Variants in GYPB observed in about 807,000 individuals in gnomAD.
The protein encoded by GYPB is glycophorin-B.
GYPB carries 13 observed loss-of-function variants against 15.3 expected under a neutral mutation model. The observed-to-expected ratio is 0.85, with a 90% CI of 0.55 to 1.35. GYPB has a LOEUF of 1.35. Among genes scored for constraint, GYPB ranks in the 40% most tolerant of loss-of-function variants. GYPB has a pLI of 0.00. For synonymous variants in GYPB, 38 were observed against 36.9 expected (o/e 1.03, Z -0.11); for missense variants, 131 against 108.3 (o/e 1.21, Z -0.93).
intron 4 of GYPB, among the ~76,000 whole-genome samples, chr4:143,996,931 T>C (rs1727348626): frequency 6.6e-6 from 1 of 151,064 alleles, no homozygotes; most frequent in East Asian, 1.9e-4. Context: ...TATTGAGACA[T>C]GGTCTCACTC....
intron 4 of GYPB, among the ~76,000 whole-genome samples, chr4:143,997,121 G>T: frequency 6.6e-6 from 1 of 150,798 alleles, no homozygotes; most frequent in South Asian, 2.1e-4. Context: ...TGCTCAGGCT[G>T]GTCTCAAACT....
chr4:144,014,763 C>G (rs1728402525), intron 1 of GYPB, among the ~76,000 whole-genome samples: 1 of 151,406 alleles, frequency 6.6e-6, no homozygotes, highest in African/African-American at 2.5e-5. Context: ...TAAAATGGTT[C>G]AAATGGTAAA....
At position 144,001,199 on chromosome 4, in the gene GYPB, G is replaced by A. The variant is rs1182159500; in HGVS notation, c.122C>T (p.Ser41Leu). 2 of 1,612,876 alleles carry A rather than the reference G, an allele frequency of 1.2e-6. No homozygotes were observed. The highest frequency in any genetic ancestry group is 1.1e-5 in the South Asian group (1 of 91,058). ...TSSSVTKSYI[S>L]SQTNGETGQL... Reference sequence around the variant, plus strand: ...TGAAAACAAACCATTTGTCTGTGATGAGATGTAACTCTTTGTGACTGAAGA... The same window carrying A: ...TGAAAACAAACCATTTGTCTGTGATAAGATGTAACTCTTTGTGACTGAAGA... Residue 41 changes from serine (S) to leucine (L), a missense_variant, in exon 2 of 5, where the codon TCA becomes TTA. Ser to Leu is a moderately radical substitution (Grantham distance 145). Transcript: ENST00000502664.
intron 1 of GYPB, among the ~76,000 whole-genome samples, chr4:144,014,778 TATTAC>T (rs1326976551): frequency 6.6e-6 from 1 of 151,534 alleles, no homozygotes; most frequent in Non-Finnish European, 1.5e-5. Flanking sequence ...GGTAAATTTA[TATTAC>T]GTGTATTTTA....
downstream of GYPB, chr4:143,995,984 C>G (rs1443572799): frequency 2.1e-5 from 8 of 383,568 alleles, no homozygotes; most frequent in Non-Finnish European, 3.1e-5. Flanking sequence ...CATTCCCCTT[C>G]TGCATGTTCT....
intron 1 of GYPB, among the ~76,000 whole-genome samples, chr4:144,007,125 T>A (rs202109378): frequency 0.019 from 2,688 of 140,040 alleles, no homozygotes; most frequent in African/African-American, 0.068. Context: ...AGGTTTTTAT[T>A]AAGCCAAAGC....
At chr4:144,014,715 T>C (rs146423863) in intron 1 of GYPB, among the ~76,000 whole-genome samples, 1,886 of 151,476 alleles carry the variant, frequency 0.012, 147 homozygotes, top group African/African-American at 0.044. Flanking sequence ...TGGGTGTGCA[T>C]CATTTTGAAT....
At chr4:144,001,994 ACACG>A (rs1480781032) in intron 1 of GYPB, among the ~76,000 whole-genome samples, 14 of 146,062 alleles carry the variant, frequency 9.6e-5, no homozygotes, top group Admixed American at 7.5e-4. Flanking sequence ...AAAAAACCAC[ACACG>A]CAAACAGGAA....
downstream of GYPB, among the ~76,000 whole-genome samples, chr4:143,995,694 G>A (rs6850486): frequency 0.011 from 1,663 of 151,154 alleles, 122 homozygotes; most frequent in African/African-American, 0.038. Context: ...GTTGAGGAGG[G>A]ACCTTAACTC....
chr4:144,001,978 A>G (rs1579051785), intron 1 of GYPB, among the ~76,000 whole-genome samples: 2 of 149,504 alleles, frequency 1.3e-5, no homozygotes, highest in African/African-American at 5.0e-5. Context: ...CAAAAAAAAA[A>G]AAAAAAAAAA....
chr4:144,005,690 C>G (rs2149962059), intron 1 of GYPB, among the ~76,000 whole-genome samples: 1 of 151,824 alleles, frequency 6.6e-6, no homozygotes, highest in South Asian at 2.1e-4. Context: ...GTATATTTAC[C>G]TTGTGGTGTT....
intron 1 of GYPB, among the ~76,000 whole-genome samples, chr4:144,006,702 A>T (rs1727933254): frequency 6.6e-6 from 1 of 151,936 alleles, no homozygotes; most frequent in Non-Finnish European, 1.5e-5. Context: ...TTACAAGGAC[A>T]CACCCTTCAT....
intron 4 of GYPB, chr4:143,997,248 T>C (rs188030740): frequency 1.6e-5 from 4 of 254,906 alleles, no homozygotes; most frequent in African/African-American, 2.3e-5. Context: ...AGAATCTTAA[T>C]ATTTCCTCAA....
chr4:144,013,296 T>G (rs1459954841), intron 1 of GYPB, among the ~76,000 whole-genome samples: 1 of 150,706 alleles, frequency 6.6e-6, no homozygotes, highest in South Asian at 2.1e-4. Flanking sequence ...TGTGGAGAAA[T>G]AGGAACACTT....
intron 1 of GYPB, among the ~76,000 whole-genome samples, chr4:144,004,104 A>G (rs536920808): frequency 2.0e-5 from 3 of 151,730 alleles, no homozygotes; most frequent in Non-Finnish European, 4.4e-5. Flanking sequence ...TTGAGACTGA[A>G]AGTTGCCACT....
chr4:144,012,014 G>C (rs1728244144), intron 1 of GYPB, among the ~76,000 whole-genome samples: 1 of 152,076 alleles, frequency 6.6e-6, no homozygotes, highest in Non-Finnish European at 1.5e-5. Context: ...TGATGACTGG[G>C]AAATAAGTGA....
intron 3 of GYPB, among the ~76,000 whole-genome samples, chr4:143,998,130 G>A (rs1162360658): frequency 6.6e-6 from 1 of 151,196 alleles, no homozygotes; most frequent in African/African-American, 2.5e-5. Context: ...ACTTAGCCTT[G>A]GTCAGACAAC....
At chr4:143,996,339 C>A in intron 4 of GYPB, 35 bp from the exon 5 acceptor site, 1 of 1,550,172 alleles carries the variant, frequency 6.5e-7, no homozygotes, top group Non-Finnish European at 8.7e-7. Flanking sequence ...CCACTTCAGC[C>A]TCTGCTTGAC....
At chr4:144,009,207 T>A (rs953389731) in intron 1 of GYPB, among the ~76,000 whole-genome samples, 7 of 151,376 alleles carry the variant, frequency 4.6e-5, no homozygotes, top group African/African-American at 1.7e-4. Context: ...GAAGCTGGCC[T>A]GAGTGTTTGG....
Sources: gnomAD v4.1 joint callset for allele counts (sites outside exome capture counted in the v4.1 genomes callset) on GRCh38, gnomAD v4.1.1 for gene constraint, MANE v1.5 for transcripts, NCBI Gene and HGNC (gene_info 2026-07-23, HGNC 2026-07-21) for gene names.